Variants in PGPEP1 observed in about 807,000 individuals in gnomAD.
PGPEP1 encodes pyroglutamyl-peptidase I.
A neutral mutation model predicts 24.1 loss-of-function variants in PGPEP1; 15 were observed. That is an observed-to-expected ratio of 0.62 (90% CI 0.42 to 0.96). The LOEUF is 0.96. Among genes scored for constraint, PGPEP1 ranks in the 40% least tolerant of loss-of-function variants. The pLI is 0.00. For synonymous variants in PGPEP1, 122 were observed against 116.4 expected (o/e 1.05, Z -0.31); for missense variants, 242 against 273.4 (o/e 0.89, Z 0.81).
At chr19:18,353,740 T>C (rs143507883) in intron 2 of PGPEP1, among the ~76,000 whole-genome samples, 6 of 152,284 alleles carry the variant, frequency 3.9e-5, no homozygotes, top group African/African-American at 1.2e-4. Context: ...AATCATACAA[T>C]ATGTGGCCTT....
intron 2 of PGPEP1, among the ~76,000 whole-genome samples, chr19:18,349,454 C>A (rs1280140751): frequency 3.3e-5 from 5 of 152,138 alleles, no homozygotes; most frequent in Non-Finnish European, 5.9e-5. Context: ...AGCCACCCAC[C>A]CCTGACCCTA....
intron 2 of PGPEP1, among the ~76,000 whole-genome samples, chr19:18,348,129 C>T (rs1027043755): frequency 6.6e-6 from 1 of 152,080 alleles, no homozygotes; most frequent in Non-Finnish European, 1.5e-5. Flanking sequence ...TCGTGTGTCC[C>T]GTCTCCCCTA....
At chr19:18,344,516 T>C (rs1734008371) in intron 2 of PGPEP1, among the ~76,000 whole-genome samples, 1 of 151,146 alleles carries the variant, frequency 6.6e-6, no homozygotes. Context: ...AGCGTGGCAG[T>C]CCCCAGCTGT....
At chr19:18,362,414 T>A (rs1424864303) in intron 4 of PGPEP1, among the ~76,000 whole-genome samples, 2 of 143,902 alleles carry the variant, frequency 1.4e-5, no homozygotes, top group East Asian at 4.2e-4. Context: ...CTCAAAAAAA[T>A]AAATAAATAA....
rs546614086 is a variant in PGPEP1 at position 18,351,281 on chromosome 19, A to G, written c.88-4614A>G. ...CTCCATCTCAAAAAAACCAAACAAA[A>G]CTTTACTTTTAAGTGCTGTTGGACT... is the stretch of plus-strand genomic sequence containing the variant. On this transcript the variant is annotated intron_variant, in intron 2 of 4. Coordinates refer to ENST00000269919, the MANE Select transcript of PGPEP1 (RefSeq NM_017712.4). Among the ~76,000 whole-genome samples the G allele has an allele frequency of 2.6e-5, 4 of 151,162 alleles. No individual in the cohort carries two copies. The South Asian group carries it at 8.4e-4, about 32-fold the overall frequency.
chr19:18,359,508 C>CT (rs34626308), intron 4 of PGPEP1, among the ~76,000 whole-genome samples: 53 of 126,040 alleles, frequency 4.2e-4, no homozygotes, highest in African/African-American at 5.8e-4. Context: ...TCTTTCCAGT[C>CT]TTTTTTTTTT....
chr19:18,361,431 G>T (rs1427936402), intron 4 of PGPEP1, among the ~76,000 whole-genome samples: 2 of 151,596 alleles, frequency 1.3e-5, no homozygotes, highest in African/African-American at 2.4e-5. Context: ...GAGCCACCGC[G>T]CCCGGCCACC....
intron 2 of PGPEP1, among the ~76,000 whole-genome samples, chr19:18,346,633 C>CTA (rs1970853104): frequency 2.5e-5 from 2 of 79,476 alleles, no homozygotes; most frequent in African/African-American, 1.0e-4. Flanking sequence ...CTGTTTCTCT[C>CTA]TTTTTTTTTT....
In PGPEP1 at chr19:18,356,790, G is replaced by A. The variant is rs548990560; in HGVS notation, c.205-593G>A. Among the ~76,000 whole-genome samples, 110 of 151,124 alleles carry A rather than the reference G, an allele frequency of 7.3e-4. 2 individuals are homozygous for A. The highest frequency in any genetic ancestry group is 4.3e-3 in the Admixed American group (65 of 15,110). On this transcript the variant is annotated intron_variant, in intron 3 of 4. Coordinates refer to ENST00000269919, the MANE Select transcript of PGPEP1 (RefSeq NM_017712.4). ...ATGGTGGCTCACGCCTGTAATCTGA[G>A]CACTTTGGGATGCTGAGGCGGGTGG...
intron 2 of PGPEP1, among the ~76,000 whole-genome samples, chr19:18,348,238 G>T (rs1970916271): frequency 6.6e-6 from 1 of 152,108 alleles, no homozygotes; most frequent in African/African-American, 2.4e-5. Context: ...GGCCATCTGG[G>T]GTGTCTCTTG....
rs199656508 is a variant in PGPEP1 at position 18,359,697 on chromosome 19, G to A, written c.437+2082G>A. On this transcript the variant is annotated intron_variant, in intron 4 of 4. Transcript: ENST00000269919. ...TAACTTTTGTATTTTTAGTAGAGGC[G>A]GGGTTTTGCCATATTGGCCACACCA... Among the ~76,000 whole-genome samples the A allele has an allele frequency of 2.7e-4, 41 of 151,980 alleles. No homozygotes were observed. The East Asian group carries it at 5.6e-3, about 21-fold the overall frequency.
At chr19:18,352,266 C>CAAAAAAAAAAAAAAAAAAAAAAAA (rs60299417) in intron 2 of PGPEP1, among the ~76,000 whole-genome samples, 14 of 43,658 alleles carry the variant, frequency 3.2e-4, no homozygotes, top group Admixed American at 7.2e-4. Flanking sequence ...GACTCCGTCT[C>CAAAAAAAAAAAAAAAAAAAAAAAA]AAAAAAAAAA....
At chr19:18,350,537 C>A (rs2144547286) in intron 2 of PGPEP1, among the ~76,000 whole-genome samples, 1 of 152,348 alleles carries the variant, frequency 6.6e-6, no homozygotes, top group Non-Finnish European at 1.5e-5. Flanking sequence ...TATGCCCCAC[C>A]CATCAGCATG....
chr19:18,351,411 G>T (rs1971018736), intron 2 of PGPEP1, among the ~76,000 whole-genome samples: 1 of 151,628 alleles, frequency 6.6e-6, no homozygotes, highest in African/African-American at 2.4e-5. Context: ...GATCACCTGA[G>T]GTCGGAAGTT....
intron 2 of PGPEP1, chr19:18,349,137 C>A (rs8102478): frequency 6.2e-6 from 6 of 967,336 alleles, no homozygotes; most frequent in Non-Finnish European, 7.4e-6. Flanking sequence ...TGTGTATATG[C>A]TGACAGTGGT....
intron 2 of PGPEP1, chr19:18,348,899 G>A (rs1970937800): frequency 6.5e-6 from 1 of 153,260 alleles, no homozygotes; most frequent in Non-Finnish European, 1.4e-5. Context: ...TGGGACTACA[G>A]GCATGCACCA....
intron 1 of PGPEP1, among the ~76,000 whole-genome samples, chr19:18,341,481 G>T (rs1377463919): frequency 1.3e-5 from 2 of 152,208 alleles, no homozygotes; most frequent in African/African-American, 4.8e-5. Context: ...CTGCTGTCTG[G>T]AGGGGTCAGA....
At chr19:18,361,200 G>C (rs1159193956) in intron 4 of PGPEP1, among the ~76,000 whole-genome samples, 1 of 151,172 alleles carries the variant, frequency 6.6e-6, no homozygotes, top group Non-Finnish European at 1.5e-5. Context: ...TGCAATGGCA[G>C]AATCTCAGCT....
chr19:18,359,716 C>T (rs1419870200), intron 4 of PGPEP1, among the ~76,000 whole-genome samples: 1 of 151,966 alleles, frequency 6.6e-6, no homozygotes, highest in Non-Finnish European at 1.5e-5. Context: ...CCATATTGGC[C>T]ACACCAGGGT....
Sources: allele counts gnomAD v4.1 joint callset (sites outside exome capture counted in the v4.1 genomes callset), GRCh38; gene constraint gnomAD v4.1.1; transcripts MANE v1.5; gene names NCBI Gene and HGNC (gene_info 2026-07-23, HGNC 2026-07-21).